The following OSBPL3 variants were observed in gnomAD, a reference collection of about 807,000 sequenced individuals.
The protein encoded by OSBPL3 is oxysterol binding protein like 3.
In OSBPL3, 65 loss-of-function variants were observed where a neutral mutation model predicts 120.1. That is an observed-to-expected ratio of 0.54 (90% CI 0.44 to 0.67). The LOEUF is 0.67. Ranked by LOEUF, OSBPL3 falls within the 30% of genes least tolerant of loss-of-function variation. The pLI is 0.00. For synonymous variants in OSBPL3, 416 were observed against 402.6 expected (o/e 1.03, Z -0.40); for missense variants, 1,004 against 1,082.1 (o/e 0.93, Z 1.01).
At chr7:24,904,165 G>A (rs2128391619) in intron 1 of OSBPL3, among the ~76,000 whole-genome samples, 1 of 152,272 alleles carries the variant, frequency 6.6e-6, no homozygotes, top group Non-Finnish European at 1.5e-5. Flanking sequence ...TTACAGGTGT[G>A]AGTCACTGCA....
rs547410839 is a variant in OSBPL3, at chr7:24,916,707, C to T, written c.-149-24086G>A. Among the ~76,000 whole-genome samples the T allele has an allele frequency of 3.2e-4, 49 of 152,174 alleles. No individual in the cohort carries two copies. The highest frequency in any genetic ancestry group is 9.9e-4 in the African/African-American group (41 of 41,528). Reference sequence around the variant, plus strand: ...AAAGAATCTGCCTAATATCATTCCTCCCGACACCATCATCTAGTAGGGAAG... The same window carrying T: ...AAAGAATCTGCCTAATATCATTCCTTCCGACACCATCATCTAGTAGGGAAG... On this transcript the variant is annotated intron_variant, in intron 1 of 22. Coordinates refer to ENST00000313367, the MANE Select transcript of OSBPL3 (RefSeq NM_015550.4). The surrounding 1 kb of genome is among the most constrained non-coding windows in gnomAD (Gnocchi z 4.9).
intron 2 of OSBPL3, among the ~76,000 whole-genome samples, chr7:24,882,608 T>C (rs920831286): frequency 6.6e-6 from 1 of 152,236 alleles, no homozygotes; most frequent in Non-Finnish European, 1.5e-5. Context: ...TTTGGCAAGA[T>C]ACCCAGTAGA....
At chr7:24,886,989 A>G (rs927536325) in intron 2 of OSBPL3, among the ~76,000 whole-genome samples, 2 of 152,242 alleles carry the variant, frequency 1.3e-5, no homozygotes, top group Non-Finnish European at 2.9e-5. Context: ...ATTTAAACAC[A>G]AGTTAATTAA....
intron 1 of OSBPL3, among the ~76,000 whole-genome samples, chr7:24,897,311 T>C (rs1037913111): frequency 1.3e-4 from 19 of 147,498 alleles, no homozygotes; most frequent in Admixed American, 4.1e-4. Context: ...CAAATAAAGA[T>C]GGCAGAATCT....
At chr7:24,846,243 G>C (rs548723599) in intron 12 of OSBPL3, among the ~76,000 whole-genome samples, 1 of 152,250 alleles carries the variant, frequency 6.6e-6, no homozygotes, top group South Asian at 2.1e-4. Flanking sequence ...TCATTATATA[G>C]CAGTGTATAC....
At chr7:24,905,040 C>T (rs1034647273) in intron 1 of OSBPL3, among the ~76,000 whole-genome samples, 10 of 150,442 alleles carry the variant, frequency 6.6e-5, no homozygotes, top group Admixed American at 3.3e-4. Flanking sequence ...TGGAATAATG[C>T]CTGGAGGACT....
At chr7:24,977,663 T>C (rs961753596) in intron 1 of OSBPL3, among the ~76,000 whole-genome samples, 4 of 152,196 alleles carry the variant, frequency 2.6e-5, no homozygotes, top group Admixed American at 2.6e-4. Context: ...GAGACCACCC[T>C]GGCTAACACG....
rs1314426905 is a variant in OSBPL3 at position 24,896,617 on chromosome 7, T to C, written c.-149-3996A>G. The stretch of plus-strand genomic sequence containing the variant: ...CACAATTTGGGAAAAGATGTAAAGG[T>C]GACATCACATACTATATATGTGTGC... On this transcript the variant is annotated intron_variant, in intron 1 of 22. Transcript: ENST00000313367. The surrounding 1 kb of genome is among the most constrained non-coding windows in gnomAD (Gnocchi z 4.4). 6.6e-6 allele frequency among the ~76,000 whole-genome samples: 1 copy of C among 152,208 alleles called. No homozygotes were observed. Among genetic ancestry groups the C allele is most frequent in the Non-Finnish European group, 1.5e-5 (1 of 68,024 alleles).
At chr7:24,902,327 AC>A (rs1355034314) in intron 1 of OSBPL3, among the ~76,000 whole-genome samples, 3 of 152,284 alleles carry the variant, frequency 2.0e-5, no homozygotes, top group Admixed American at 6.5e-5. Context: ...ACACATATAT[AC>A]CCACCATTTT....
In OSBPL3 at chr7:24,955,834, A is replaced by T. The variant is rs2128505871; in HGVS notation, c.-150+24052T>A. ...GTAGGCATTCAATAAATATCTACAG[A>T]ATGAATGTTTTTTAAAAACATACAA... On this transcript the variant is annotated intron_variant, in intron 1 of 22. Coordinates refer to ENST00000313367, the MANE Select transcript of OSBPL3 (RefSeq NM_015550.4). The surrounding 1 kb of genome is among the most constrained non-coding windows in gnomAD (Gnocchi z 4.3). Among the ~76,000 whole-genome samples the T allele has an allele frequency of 6.6e-6, 1 of 152,344 alleles. No homozygotes were observed. The highest frequency in any genetic ancestry group is 1.5e-5 in the Non-Finnish European group (1 of 68,028).
At chr7:24,910,207 T>C (rs761759799) in intron 1 of OSBPL3, among the ~76,000 whole-genome samples, 17 of 152,276 alleles carry the variant, frequency 1.1e-4, no homozygotes, top group Non-Finnish European at 2.4e-4. Flanking sequence ...CTTCAAATCA[T>C]TTTCACCTTC....
chr7:24,884,377 G>T (rs756515051), intron 2 of OSBPL3, among the ~76,000 whole-genome samples: 50 of 152,234 alleles, frequency 3.3e-4, no homozygotes, highest in African/African-American at 8.9e-4. Flanking sequence ...TTTCCACAGT[G>T]GGGGAAACAT....
chr7:24,979,969 C>G lies in OSBPL3; in HGVS notation c.-233G>C. 2 of 985,368 alleles carry G rather than the reference C, an allele frequency of 2.0e-6. No individual in the cohort carries two copies. The highest frequency in any genetic ancestry group is 1.2e-6 in the Non-Finnish European group (1 of 829,980). 61.0% of individuals were successfully genotyped at this position (985,368 alleles called of 1,614,324 possible). ...GCGCACAGAACCGGGAGAAGGCAAC[C>G]CCGGCTTCTCCGGTACCCCCGCAAC... On this transcript the variant is annotated 5_prime_UTR_variant, in exon 1 of 23. Transcript: ENST00000313367.
intron 10 of OSBPL3, among the ~76,000 whole-genome samples, chr7:24,853,890 C>A (rs932011898): frequency 2.0e-5 from 3 of 152,140 alleles, no homozygotes; most frequent in African/African-American, 7.2e-5. Context: ...AAAACAAAGT[C>A]TTACTGTCTA....
chr7:24,814,926 C>T (rs1355487308), intron 19 of OSBPL3, 133 bp downstream of exon 19: 1 of 799,368 alleles, frequency 1.3e-6, no homozygotes, highest in South Asian at 1.6e-5. Context: ...CAGCTGGGAC[C>T]AAGGAGCTCA....
chr7:24,980,091 C>G lies in OSBPL3; in HGVS notation c.-355G>C, dbSNP rs1438317536. ...GGCCGGAGCCGCGCTGCGCACCGGCCGCGAAGCGCTCAAGTCCCCTCTCCC... is the reference window on the plus strand; with the variant it reads ...GGCCGGAGCCGCGCTGCGCACCGGCGGCGAAGCGCTCAAGTCCCCTCTCCC... On this transcript the variant is annotated 5_prime_UTR_variant, in exon 1 of 23. Transcript: ENST00000313367. 16 of 981,636 alleles carry G rather than the reference C, an allele frequency of 1.6e-5. No individual in the cohort carries two copies. Among genetic ancestry groups the G allele is most frequent in the Non-Finnish European group, 1.7e-5 (14 of 826,672 alleles). The allele number at this position is 981,636 out of a possible 1,614,324, so 60.8% of individuals were successfully genotyped here.
chr7:24,890,276 T>G (rs896934752), intron 2 of OSBPL3, among the ~76,000 whole-genome samples: 1 of 152,254 alleles, frequency 6.6e-6, no homozygotes, highest in African/African-American at 2.4e-5. Context: ...AATTTCTTAC[T>G]ATGTAAATCT....
intron 1 of OSBPL3, among the ~76,000 whole-genome samples, chr7:24,921,196 C>A (rs1227311463): frequency 1.0e-5 from 1 of 99,058 alleles, no homozygotes; most frequent in African/African-American, 4.5e-5. Flanking sequence ...TGACTCAAGC[C>A]CACATTAAAA....
chr7:24,901,725 T>G (rs371801409), intron 1 of OSBPL3, among the ~76,000 whole-genome samples: 1 of 152,202 alleles, frequency 6.6e-6, no homozygotes, highest in Non-Finnish European at 1.5e-5. Context: ...ATTTCTGGTG[T>G]AGGACCAGGG....
Sources: gnomAD v4.1 joint callset for allele counts (sites outside exome capture counted in the v4.1 genomes callset) on GRCh38, gnomAD v4.1.1 for gene constraint, Gnocchi (gnomAD v3.1) non-coding constraint, MANE v1.5 for transcripts, NCBI Gene and HGNC (gene_info 2026-07-23, HGNC 2026-07-21) for gene names.